The following ARHGAP29 variants were observed in gnomAD, a reference collection of about 807,000 sequenced individuals.
The protein encoded by ARHGAP29 is rho GTPase-activating protein 29.
Under a neutral mutation model 122.6 loss-of-function variants are expected in ARHGAP29, and 43 were observed. The observed-to-expected ratio is 0.35, with a 90% CI of 0.27 to 0.45. The LOEUF (loss-of-function observed/expected upper bound fraction) is 0.45, where lower values mean the gene tolerates loss of function less well. ARHGAP29 is among the 20% of genes least tolerant of loss of function. The probability of loss-of-function intolerance (pLI) is 1.00; values close to 1 mark genes in which losing one functional copy is unlikely to be tolerated. For synonymous variants in ARHGAP29, 506 were observed against 497.1 expected (o/e 1.02, Z -0.24); for missense variants, 1,303 against 1,477.2 (o/e 0.88, Z 1.93).
At chr1:94,238,579 G>A (rs1310618221), upstream of ARHGAP29, among the ~76,000 whole-genome samples, 3 of 152,154 alleles carry the variant, frequency 2.0e-5, no homozygotes, top group East Asian at 5.8e-4. Flanking sequence ...CAGGGAGGGA[G>A]ACTGTGGGTA....
At chr1:94,211,318 A>C (rs1373217132) in intron 3 of ARHGAP29, among the ~76,000 whole-genome samples, 2 of 140,274 alleles carry the variant, frequency 1.4e-5, no homozygotes, top group African/African-American at 2.5e-5. Flanking sequence ...AAAAAAGGAC[A>C]TAACAATTCC....
chr1:94,199,083 G>C (rs895127850), intron 12 of ARHGAP29, among the ~76,000 whole-genome samples: 2 of 152,124 alleles, frequency 1.3e-5, no homozygotes, highest in African/African-American at 2.4e-5. Flanking sequence ...ACACACCGGG[G>C]CCTGTCGGGG....
chr1:94,312,815 A>T, the ARHGAP29 span, among the ~76,000 whole-genome samples: 1 of 151,308 alleles, frequency 6.6e-6, no homozygotes, highest in Non-Finnish European at 1.5e-5. Flanking sequence ...AATCTCAGTG[A>T]CTACCCCTTC....
At chr1:94,221,268 C>T (rs1652275926) in intron 2 of ARHGAP29, among the ~76,000 whole-genome samples, 1 of 152,068 alleles carries the variant, frequency 6.6e-6, no homozygotes, top group African/African-American at 2.4e-5. Context: ...CTTTAAAACC[C>T]CGAAGTAATC....
chr1:94,224,069 A>T (rs1303425013), intron 2 of ARHGAP29, among the ~76,000 whole-genome samples: 1 of 152,176 alleles, frequency 6.6e-6, no homozygotes, highest in Admixed American at 6.5e-5. Flanking sequence ...TTGGCCTCCC[A>T]AAGTGCTGGG....
At chr1:94,178,815 T>A (rs1649272237) in intron 20 of ARHGAP29, among the ~76,000 whole-genome samples, 3 of 152,218 alleles carry the variant, frequency 2.0e-5, no homozygotes. Flanking sequence ...GGCCTCTACC[T>A]GGCTCAGTTT....
At chr1:94,210,842 G>A (rs949208695) in intron 3 of ARHGAP29, among the ~76,000 whole-genome samples, 1 of 150,420 alleles carries the variant, frequency 6.6e-6, no homozygotes, top group Non-Finnish European at 1.5e-5. Context: ...GTTCAAGACT[G>A]CAGTTAGTTA....
intron 1 of ARHGAP29, among the ~76,000 whole-genome samples, chr1:94,254,460 G>T (rs1454808140): frequency 2.6e-5 from 4 of 152,210 alleles, no homozygotes; most frequent in Non-Finnish European, 5.9e-5. Context: ...AAGTTGCCTT[G>T]CTTAGGAGTT....
intron 3 of ARHGAP29, among the ~76,000 whole-genome samples, chr1:94,214,083 A>G (rs1411695): frequency 0.95 from 145,392 of 152,258 alleles, 69,797 homozygotes; most frequent in East Asian, 1. Context: ...AAAAGGCTTT[A>G]GAGTTTCAGC....
At chr1:94,206,016 T>C (rs1396329673) in intron 5 of ARHGAP29, among the ~76,000 whole-genome samples, 2 of 152,188 alleles carry the variant, frequency 1.3e-5, no homozygotes, top group Admixed American at 6.5e-5. Context: ...TGCAAACATA[T>C]TGCTATCTAA....
chr1:94,251,116 A>G (rs1210410499), intron 1 of ARHGAP29, among the ~76,000 whole-genome samples: 1 of 151,866 alleles, frequency 6.6e-6, no homozygotes, highest in Non-Finnish European at 1.5e-5. Context: ...TATACTTTAC[A>G]TTTCATAAAT....
At chr1:94,255,542 T>TC (rs1654308820) in intron 1 of ARHGAP29, among the ~76,000 whole-genome samples, 2 of 152,224 alleles carry the variant, frequency 1.3e-5, no homozygotes, top group African/African-American at 4.8e-5. Flanking sequence ...GAAATGTTAG[T>TC]CCACCTGTGG....
chr1:94,181,000 C>T (rs1204636260), intron 19 of ARHGAP29, among the ~76,000 whole-genome samples: 1 of 152,130 alleles, frequency 6.6e-6, no homozygotes, highest in Non-Finnish European at 1.5e-5. Flanking sequence ...CAGTAGTTTC[C>T]TGGGCTAACA....
rs966652927 is a variant in ARHGAP29, at chr1:94,172,236, T to C, written c.*1633A>G. On this transcript the variant is annotated 3_prime_UTR_variant, in exon 23 of 23. Coordinates refer to ENST00000260526, the MANE Select transcript of ARHGAP29 (RefSeq NM_004815.4). ...TAATAACATGCTTACCCACCCATTA[T>C]AGGTTGCTGTGAACTTGAAATAAAA... 2 of 152,232 alleles carry C rather than the reference T, an allele frequency of 1.3e-5. No individual in the cohort carries two copies. Among genetic ancestry groups the C allele is most frequent in the Admixed American group, 6.5e-5 (1 of 15,280 alleles). 9.4% of individuals were successfully genotyped at this position (152,232 alleles called of 1,614,324 possible).
Position 94,244,658 on chromosome 1 carries a change from C to T in ARHGAP29, c.-32-13015G>A, listed in dbSNP as rs1339937074. Among the ~76,000 whole-genome samples the T allele has an allele frequency of 2.6e-5, 4 of 152,024 alleles. No homozygotes were observed. The South Asian group carries it at 8.3e-4, about 32-fold the overall frequency. On this transcript the variant is annotated intron_variant and NMD_transcript_variant, in intron 1 of 25. Coordinates refer to the ARHGAP29 transcript ENST00000552844. ...GTGGGTTGGGGACTTAAAAAAAAATCTTAAGAAGCCTATAAGCTACTACAT... is the reference window on the plus strand; with the variant it reads ...GTGGGTTGGGGACTTAAAAAAAAATTTTAAGAAGCCTATAAGCTACTACAT...
intron 1 of ARHGAP29, among the ~76,000 whole-genome samples, chr1:94,232,301 C>T (rs967827872): frequency 6.6e-6 from 1 of 152,006 alleles, no homozygotes; most frequent in Non-Finnish European, 1.5e-5. Flanking sequence ...ACAGAAGTGT[C>T]GAGAACATAG....
chr1:94,181,031 C>T (rs1347864311), intron 19 of ARHGAP29, among the ~76,000 whole-genome samples: 1 of 152,138 alleles, frequency 6.6e-6, no homozygotes, highest in Non-Finnish European at 1.5e-5. Flanking sequence ...AACAATTATA[C>T]CCAATTTCTT....
chr1:94,291,699 C>T, the ARHGAP29 span, among the ~76,000 whole-genome samples: 1 of 152,120 alleles, frequency 6.6e-6, no homozygotes, highest in South Asian at 2.1e-4. Context: ...TTTCTTTCTC[C>T]TTCACTTATG....
chr1:94,178,029 G>T lies in ARHGAP29; in HGVS notation c.2619C>A (p.Arg873=). The T allele has an allele frequency of 6.2e-7, 1 of 1,614,154 alleles. No individual in the cohort carries two copies. The highest frequency in any genetic ancestry group is 8.5e-7 in the Non-Finnish European group (1 of 1,180,024). ...AGTAAGTAATGAGAAACTCTACCAA[G>T]CGTGCTTGATTTGAATACTCTGCAA... ...SSLAEYSNQA[R]LVEFLITYSQ... is the part of the protein sequence containing the mutation. The change falls in exon 21 of 23, where the codon CGC becomes CGA. Residue 873 remains arginine (R), a synonymous_variant. Transcript: ENST00000260526.
Sources: gnomAD v4.1 joint callset for allele counts (sites outside exome capture counted in the v4.1 genomes callset) on GRCh38, gnomAD v4.1.1 for gene constraint, MANE v1.5 for transcripts, NCBI Gene and HGNC (gene_info 2026-07-23, HGNC 2026-07-21) for gene names.